Variants in CASK observed in about 807,000 individuals in gnomAD.
CASK encodes calcium/calmodulin dependent serine protein kinase.
In CASK, 4 loss-of-function variants were observed where a neutral mutation model predicts 82.9. The ratio of observed to expected loss-of-function variants is 0.05; its 90% CI spans 0.02 to 0.11. The LOEUF (loss-of-function observed/expected upper bound fraction) is 0.11, where lower values mean the gene tolerates loss of function less well. CASK is among the 10% of genes least tolerant of loss of function. The pLI is 1.00. For missense variants in CASK, 358 were observed against 720.9 expected (o/e 0.50, Z 5.76); for synonymous variants, 259 against 253.5 (o/e 1.02, Z -0.20).
chrX:41,647,127 A>T (rs1410814028), intron 8 of CASK, among the ~76,000 whole-genome samples: 1 of 112,135 alleles, frequency 8.9e-6, no homozygotes, highest in Non-Finnish European at 1.9e-5. Flanking sequence ...TCAACAAGGC[A>T]TCGATCAAAA....
chrX:41,647,230 G>A (rs1350165788), intron 8 of CASK, among the ~76,000 whole-genome samples: 1 of 112,579 alleles, frequency 8.9e-6, no homozygotes, highest in East Asian at 2.8e-4. Flanking sequence ...AATGCAGTGC[G>A]ATTGGAATAC....
chrX:41,843,381 A>G (rs1363205715), intron 2 of CASK, among the ~76,000 whole-genome samples: 1 of 111,616 alleles, frequency 9.0e-6, no homozygotes. Context: ...AAGGGGGTTG[A>G]ATTTTGTTAA....
chrX:41,766,776 A>G (rs1017193852), intron 3 of CASK, among the ~76,000 whole-genome samples: 5 of 111,293 alleles, frequency 4.5e-5, no homozygotes, highest in African/African-American at 1.6e-4. Flanking sequence ...AGTCCCAGCT[A>G]CCTGGGGGGC....
chrX:41,887,288 A>T (rs2072066016), intron 1 of CASK, among the ~76,000 whole-genome samples: 1 of 85,199 alleles, frequency 1.2e-5, no homozygotes. Flanking sequence ...CTTTTAGGCT[A>T]GTTGAGTCCA....
chrX:41,529,804 T>C (rs985051715), intron 25 of CASK, among the ~76,000 whole-genome samples: 1 of 112,377 alleles, frequency 8.9e-6, no homozygotes, highest in African/African-American at 3.2e-5. Context: ...CTTTTGTGGT[T>C]TCCAAAGTTC....
At chrX:41,729,956 CTGTAA>C (rs994159427) in intron 5 of CASK, 2 of 115,381 alleles carry the variant, frequency 1.7e-5, no homozygotes, top group Non-Finnish European at 3.9e-5. Context: ...TGACTATATT[CTGTAA>C]TAAGTACATA....
chrX:41,649,344 G>A (rs1448630407), intron 8 of CASK, among the ~76,000 whole-genome samples: 1 of 111,646 alleles, frequency 9.0e-6, no homozygotes, highest in Admixed American at 9.6e-5. Context: ...CAATTGTGAT[G>A]TTAGGGTGTC....
At chrX:41,900,739 C>CT (rs759671263) in intron 1 of CASK, among the ~76,000 whole-genome samples, 965 of 50,126 alleles carry the variant, frequency 0.019, 66 homozygotes, top group African/African-American at 0.038. Flanking sequence ...ATTTTGAAAT[C>CT]TTTTTTTTTT....
chrX:41,857,692 A>G (rs2071397815), intron 1 of CASK, among the ~76,000 whole-genome samples: 1 of 112,219 alleles, frequency 8.9e-6, no homozygotes, highest in Non-Finnish European at 1.9e-5. Flanking sequence ...AAATTAAGGG[A>G]ATAATCCAAG....
chrX:41,519,749 C>T lies in CASK; in HGVS notation c.*671G>A, dbSNP rs1043039717. The T allele has an allele frequency of 9.1e-6, 1 of 109,521 alleles. No individual in the cohort carries two copies. Among genetic ancestry groups the T allele is most frequent in the African/African-American group, 3.3e-5 (1 of 30,022 alleles). 9.0% of individuals were successfully genotyped at this position (109,521 alleles called of 1,213,427 possible). A position where few individuals can be genotyped will look rare whatever the true frequency, so the allele number is the denominator to read the frequency against. Reference sequence around the variant, plus strand: ...CAGACACACCGACAGCATAAACGCTCGCGACTGTCCACATGCATTAAGAGT... The same window carrying T: ...CAGACACACCGACAGCATAAACGCTTGCGACTGTCCACATGCATTAAGAGT... On this transcript the variant is annotated 3_prime_UTR_variant, in exon 27 of 27. Transcript: ENST00000378163.
At chrX:41,836,650 G>A (rs2070932469) in intron 2 of CASK, among the ~76,000 whole-genome samples, 1 of 111,000 alleles carries the variant, frequency 9.0e-6, no homozygotes, top group African/African-American at 3.3e-5. Flanking sequence ...ATATGGGATG[G>A]GAATTTAAAA....
chrX:41,650,448 G>GTT (rs751531004), intron 8 of CASK, among the ~76,000 whole-genome samples: 2 of 99,520 alleles, frequency 2.0e-5, no homozygotes, highest in African/African-American at 7.0e-5. Context: ...GGTTTTTGTG[G>GTT]TTTTTTTTTG....
chrX:41,699,669 G>A (rs1459752452), intron 5 of CASK, among the ~76,000 whole-genome samples: 1 of 109,615 alleles, frequency 9.1e-6, no homozygotes, highest in East Asian at 2.8e-4. Context: ...TCTGCACAAT[G>A]GCATTCTTAA....
chrX:41,556,465 C>T (rs1386983680), intron 19 of CASK, among the ~76,000 whole-genome samples: 1 of 112,199 alleles, frequency 8.9e-6, no homozygotes, highest in Non-Finnish European at 1.9e-5. Context: ...GTGATAACAG[C>T]GTGGCTTAAG....
At chrX:41,653,072 T>C (rs934896428) in intron 8 of CASK, among the ~76,000 whole-genome samples, 1 of 112,544 alleles carries the variant, frequency 8.9e-6, no homozygotes, top group Non-Finnish European at 1.9e-5. Context: ...ATTACTTGCT[T>C]CTTAATGGGG....
chrX:41,733,175 C>CAA (rs200021916), intron 5 of CASK, among the ~76,000 whole-genome samples: 54 of 53,367 alleles, frequency 1.0e-3, no homozygotes, highest in African/African-American at 3.6e-3. Flanking sequence ...GATTCCATCT[C>CAA]AAAAAAAAAA....
At position 41,771,582 on chromosome X, in the gene CASK, A is replaced by G. The variant is rs751331277; in HGVS notation, c.278+15596T>C. Among the ~76,000 whole-genome samples, 5 of 112,044 alleles carry G rather than the reference A, an allele frequency of 4.5e-5. No individual in the cohort carries two copies. The South Asian group carries it at 1.9e-3, about 42-fold the overall frequency. On this transcript the variant is annotated intron_variant, in intron 3 of 26. Coordinates refer to ENST00000378163, the MANE Select transcript of CASK (RefSeq NM_001367721.1). ...ATATAAAATTAACATGTTCTACAGTACTTGCACTGTTCAGGAGGACAATAA... is the reference window on the plus strand; with the variant it reads ...ATATAAAATTAACATGTTCTACAGTGCTTGCACTGTTCAGGAGGACAATAA...
At chrX:41,568,060 C>T (rs1276487094) in intron 16 of CASK, among the ~76,000 whole-genome samples, 2 of 49,885 alleles carry the variant, frequency 4.0e-5, no homozygotes, top group Admixed American at 3.5e-4. Flanking sequence ...GGACACAGGG[C>T]GGGGAACATC....
chrX:41,695,310 C>CT lies in CASK; in HGVS notation c.430-23781dup, dbSNP rs1331604938. 7.9e-3 allele frequency among the ~76,000 whole-genome samples: 693 copies of CT among 87,699 alleles called. 6 individuals are homozygous for CT. Among genetic ancestry groups the CT allele is most frequent in the East Asian group, 0.017 (48 of 2,790 alleles). 76.2% of individuals were successfully genotyped at this position (87,699 alleles called of 115,157 possible). A position where few individuals can be genotyped will look rare whatever the true frequency, so the allele number is the denominator to read the frequency against. ...ATAAATCATTTATTATTTACACTGT[C>CT]TTTTTTTTTTTTTTTTTTTTAAAGA... is the stretch of plus-strand genomic sequence containing the variant. On this transcript the variant is annotated intron_variant, in intron 5 of 26. Coordinates refer to ENST00000378163, the MANE Select transcript of CASK (RefSeq NM_001367721.1).
Sources: gnomAD v4.1 joint callset for allele counts (sites outside exome capture counted in the v4.1 genomes callset) on GRCh38, gnomAD v4.1.1 for gene constraint, MANE v1.5 for transcripts, NCBI Gene and HGNC (gene_info 2026-07-23, HGNC 2026-07-21) for gene names.